CADPS: variants seen among roughly 807,000 people sequenced by gnomAD.
CADPS encodes calcium dependent secretion activator.
CADPS carries 57 observed loss-of-function variants against 167.3 expected under a neutral mutation model. That is an observed-to-expected ratio of 0.34 (90% CI 0.28 to 0.42). The LOEUF (loss-of-function observed/expected upper bound fraction) is 0.42, where lower values mean the gene tolerates loss of function less well. CADPS is among the 20% of genes least tolerant of loss of function. The probability of loss-of-function intolerance (pLI) is 1.00; values close to 1 mark genes in which losing one functional copy is unlikely to be tolerated. For missense variants in CADPS, 1,414 were observed against 1,738.1 expected (o/e 0.81, Z 3.32); for synonymous variants, 676 against 635.3 (o/e 1.06, Z -0.96).
chr3:62,420,861 AACACACACACACACACACAC>A lies in CADPS; in HGVS notation c.3777+17223_3777+17242del, dbSNP rs775850925. ...TTTTCTCTTTATGGGAGGGAGAACG[AACACACACACACACACACAC>A]ACACACACACACACACACACAGGCA... On this transcript the variant is annotated intron_variant, in intron 28 of 29. Coordinates refer to ENST00000383710, the MANE Select transcript of CADPS (RefSeq NM_003716.4). The surrounding 1 kb of genome is among the most constrained non-coding windows in gnomAD (Gnocchi z 4.1). Among the ~76,000 whole-genome samples the A allele has an allele frequency of 7.5e-6, 1 of 133,852 alleles. No individual in the cohort carries two copies. The highest frequency in any genetic ancestry group is 7.4e-5 in the Admixed American group (1 of 13,516). 87.8% of individuals were successfully genotyped at this position (133,852 alleles called of 152,430 possible). A position where few individuals can be genotyped will look rare whatever the true frequency, so the allele number is the denominator to read the frequency against.
At chr3:62,460,936 G>A (rs1445797579) in intron 26 of CADPS, among the ~76,000 whole-genome samples, 1 of 152,150 alleles carries the variant, frequency 6.6e-6, no homozygotes, top group East Asian at 1.9e-4. Flanking sequence ...TTATTTGATC[G>A]GAGGAGGATG....
chr3:62,680,112 G>A (rs184504029), intron 3 of CADPS, among the ~76,000 whole-genome samples: 160 of 152,138 alleles, frequency 1.1e-3, no homozygotes, highest in African/African-American at 3.6e-3. Flanking sequence ...TACTCTTGGG[G>A]CAGTGGAAGA....
At chr3:62,769,018 C>G (rs1211185008) in intron 1 of CADPS, among the ~76,000 whole-genome samples, 1 of 152,104 alleles carries the variant, frequency 6.6e-6, no homozygotes, top group African/African-American at 2.4e-5. Context: ...TTCAACAAGC[C>G]TAGTGTTTAT....
chr3:62,606,760 G>A (rs1311302974), intron 6 of CADPS, among the ~76,000 whole-genome samples: 1 of 152,224 alleles, frequency 6.6e-6, no homozygotes, highest in Non-Finnish European at 1.5e-5. Flanking sequence ...GAGTGGTTGA[G>A]CTTTTTCTCC....
intron 6 of CADPS, among the ~76,000 whole-genome samples, chr3:62,630,153 G>A (rs1362621877): frequency 1.3e-5 from 2 of 152,120 alleles, no homozygotes; most frequent in Admixed American, 1.3e-4. Flanking sequence ...CTAAAGCAGT[G>A]TCTAATACAT....
intron 21 of CADPS, among the ~76,000 whole-genome samples, chr3:62,482,597 C>T (rs190442789): frequency 1.1e-3 from 174 of 152,320 alleles, no homozygotes; most frequent in African/African-American, 4.0e-3. Flanking sequence ...CAGAAACAGA[C>T]ACCAAGGAAA....
chr3:62,585,464 T>C, intron 7 of CADPS, 140 bp from the exon 8 acceptor site: 1 of 755,438 alleles, frequency 1.3e-6, no homozygotes, highest in South Asian at 2.3e-5. Context: ...AGAAACACAT[T>C]CTTTTGATCC....
chr3:62,594,610 C>A (rs1411069174), intron 6 of CADPS, among the ~76,000 whole-genome samples: 2 of 152,134 alleles, frequency 1.3e-5, no homozygotes, highest in African/African-American at 2.4e-5. Context: ...GTTGTCCAAG[C>A]TGGTCTCAAA....
chr3:62,422,546 A>G (rs1436127182), intron 28 of CADPS, among the ~76,000 whole-genome samples: 1 of 143,966 alleles, frequency 6.9e-6, no homozygotes, highest in East Asian at 2.0e-4. Context: ...TTTCTCTTTC[A>G]TCACCTTGTC....
At chr3:62,530,738 G>C (rs2073459223) in intron 13 of CADPS, 1 of 1,288,980 alleles carries the variant, frequency 7.8e-7, no homozygotes, top group East Asian at 5.6e-5. Context: ...TTCTGGTTCA[G>C]GTGGGGAGGG....
intron 3 of CADPS, among the ~76,000 whole-genome samples, chr3:62,734,882 G>T (rs1190429894): frequency 6.6e-6 from 1 of 152,108 alleles, no homozygotes; most frequent in Admixed American, 6.6e-5. Flanking sequence ...TTGCTTCATT[G>T]TAATAAAATT....
chr3:62,568,613 C>T (rs1285285425), intron 9 of CADPS, among the ~76,000 whole-genome samples: 2 of 152,184 alleles, frequency 1.3e-5, no homozygotes, highest in South Asian at 2.1e-4. Context: ...TTGAGGCTTT[C>T]GGACTCAGAA....
At chr3:62,596,670 TACTA>T (rs1332508475) in intron 6 of CADPS, among the ~76,000 whole-genome samples, 1 of 152,234 alleles carries the variant, frequency 6.6e-6, no homozygotes, top group Non-Finnish European at 1.5e-5. Flanking sequence ...CACCCTGTAG[TACTA>T]GAGAACACTA....
intron 1 of CADPS, among the ~76,000 whole-genome samples, chr3:62,829,419 T>C (rs142875341): frequency 3.9e-4 from 60 of 152,284 alleles, no homozygotes; most frequent in African/African-American, 1.4e-3. Flanking sequence ...CTTGAGCATT[T>C]ATAGATTTTA....
chr3:62,735,866 A>C (rs2078899131), intron 3 of CADPS, among the ~76,000 whole-genome samples: 1 of 152,178 alleles, frequency 6.6e-6, no homozygotes, highest in Non-Finnish European at 1.5e-5. Context: ...AGTGTAATGA[A>C]ATTGAAGAAC....
At chr3:62,631,974 T>A (rs1322527081) in intron 6 of CADPS, among the ~76,000 whole-genome samples, 1 of 152,190 alleles carries the variant, frequency 6.6e-6, no homozygotes, top group East Asian at 1.9e-4. Context: ...TGACCAACTG[T>A]CTGTTTGCCC....
At chr3:62,694,725 C>T (rs1318389307) in intron 3 of CADPS, among the ~76,000 whole-genome samples, 1 of 152,084 alleles carries the variant, frequency 6.6e-6, no homozygotes, top group African/African-American at 2.4e-5. Context: ...CAACAGGCTT[C>T]TGCCCATAGA....
At chr3:62,620,713 G>A (rs540022811) in intron 6 of CADPS, among the ~76,000 whole-genome samples, 1 of 152,272 alleles carries the variant, frequency 6.6e-6, no homozygotes, top group East Asian at 1.9e-4. Context: ...AGCTGTCCTT[G>A]CTTCTTAGGA....
At chr3:62,521,774 G>C (rs1378787477) in intron 13 of CADPS, among the ~76,000 whole-genome samples, 2 of 152,182 alleles carry the variant, frequency 1.3e-5, no homozygotes, top group African/African-American at 4.8e-5. Context: ...ATTTGGAGGA[G>C]TGGCCTCAGC....
Sources: gnomAD v4.1 joint callset for allele counts (sites outside exome capture counted in the v4.1 genomes callset) on GRCh38, gnomAD v4.1.1 for gene constraint, Gnocchi (gnomAD v3.1) non-coding constraint, MANE v1.5 for transcripts, NCBI Gene and HGNC (gene_info 2026-07-23, HGNC 2026-07-21) for gene names.